Variants in DSP observed in about 807,000 individuals in gnomAD.
DSP encodes the protein desmoplakin.
In DSP, 114 loss-of-function variants were observed where a neutral mutation model predicts 290.6. The observed-to-expected ratio is 0.39, with a 90% CI of 0.34 to 0.46. The LOEUF is 0.46. Ranked by LOEUF, DSP falls within the 20% of genes least tolerant of loss-of-function variation. DSP has a pLI of 0.99. For synonymous variants in DSP, 1,311 were observed against 1,316.4 expected (o/e 1.00, Z 0.09); for missense variants, 3,230 against 3,495.8 (o/e 0.92, Z 1.92).
Position 7,575,370 on chromosome 6 carries a change from A to G in DSP, c.2512A>G (p.Ile838Val). The G allele has an allele frequency of 6.2e-7, 1 of 1,614,134 alleles. No homozygotes were observed. Among genetic ancestry groups the G allele is most frequent in the Non-Finnish European group, 8.5e-7 (1 of 1,180,028 alleles). ...GACAGAACTACAGAAAGCCCAGCAG[A>G]TCCACTCTCAGACTTCACAGCAGTA... ...MKTELQKAQQ[I>V]HSQTSQQYPL... is the part of the protein sequence containing the mutation. The change falls in exon 18 of 24, where the codon ATC becomes GTC. Residue 838 changes from isoleucine (I) to valine (V), a missense_variant. Physicochemically the swap from Ile to Val is conservative, Grantham distance 29 (BLOSUM62 3). Around this residue, in one of 5 missense-constraint regions of DSP, gnomAD observed 1,714 missense variants for 1,844.5 expected, o/e 0.93. Coordinates refer to ENST00000379802, the MANE Select transcript of DSP (RefSeq NM_004415.4).
At chr6:7,553,967 T>C (rs1758415615) in intron 1 of DSP, among the ~76,000 whole-genome samples, 1 of 152,250 alleles carries the variant, frequency 6.6e-6, no homozygotes, top group Non-Finnish European at 1.5e-5. Flanking sequence ...GGTGAGACAG[T>C]GCAGCCAGGT....
Position 7,565,148 on chromosome 6 carries a change from CA to C in DSP, c.778-199del, listed in dbSNP as rs879917523. The stretch of plus-strand genomic sequence containing the variant: ...GGGAGACGAGAGCGACAGTCCGTCT[CA>C]AAAAAAAAAAAGTTGCTGCCTTCTT... On this transcript the variant is annotated intron_variant, in intron 6 of 23. Transcript: ENST00000379802. This position sits in a 1 kb window ranked among gnomAD's most constrained non-coding sequence, Gnocchi z 4.2. 3.1e-4 allele frequency among the ~76,000 whole-genome samples: 44 copies of C among 143,410 alleles called. No homozygotes were observed. Among genetic ancestry groups the C allele is most frequent in the Admixed American group, 4.2e-4 (6 of 14,396 alleles). 94.1% of individuals were successfully genotyped at this position (143,410 alleles called of 152,430 possible). A position where few individuals can be genotyped will look rare whatever the true frequency, so the allele number is the denominator to read the frequency against.
chr6:7,576,140 A>G (rs1759233260), intron 18 of DSP, among the ~76,000 whole-genome samples, 154 bp from the exon 19 acceptor site: 1 of 152,208 alleles, frequency 6.6e-6, no homozygotes, highest in South Asian at 2.1e-4. Context: ...TGGCTGTGAT[A>G]AAAAGTGCTG....
rs1449447405 is a variant in DSP, at chr6:7,569,327, G to C, written c.1561G>C (p.Asp521His). The C allele has an allele frequency of 5.6e-6, 9 of 1,614,028 alleles. No homozygotes were observed. The highest frequency in any genetic ancestry group is 1.3e-5 in the African/African-American group (1 of 74,896). The change falls in exon 12 of 24, where the codon GAC becomes CAC. Residue 521 changes from aspartate to histidine, a missense_variant. This residue lies in a region of DSP where 646 missense variants were observed against 684.3 expected (regional missense o/e 0.94). Transcript: ENST00000379802. ...IIPPPNPLAV[D>H]LSCKIEQYYE... is the part of the protein sequence containing the mutation. Reference sequence around the variant, plus strand: ...CCCTCCTCCGAACCCACTGGCCGTGGACCTCTCTTGCAAGTAAGTCATCCA... The same window carrying C: ...CCCTCCTCCGAACCCACTGGCCGTGCACCTCTCTTGCAAGTAAGTCATCCA...
chr6:7,583,838 C>T lies in DSP; in HGVS notation c.6576C>T (p.Ile2192=), dbSNP rs1032400756. ...TGCAGCTGAAGGAACGGTGCAGAAT[C>T]GAACCACATACTGGTCTGCTCTTGC... ...SYVQLKERCR[I]EPHTGLLLLS... is the part of the protein sequence containing the mutation. The change falls in exon 24 of 24, where the codon ATC becomes ATT. Residue 2192 remains isoleucine, a synonymous_variant. Transcript: ENST00000379802. This position sits in a 1 kb window ranked among gnomAD's most constrained non-coding sequence, Gnocchi z 4.0. 6 of 1,614,082 alleles carry T rather than the reference C, an allele frequency of 3.7e-6. No homozygotes were observed. In the South Asian group the frequency reaches 4.4e-5, roughly 12 times the overall value.
At position 7,567,444 on chromosome 6, in the gene DSP, T is replaced by A. The variant is rs757853478; in HGVS notation, c.1135T>A (p.Phe379Ile). The change falls in exon 9 of 24, where the codon TTT (phenylalanine) becomes ATT (isoleucine). Residue 379 changes from phenylalanine (F) to isoleucine (I), a missense_variant. Coordinates refer to ENST00000379802, the MANE Select transcript of DSP (RefSeq NM_004415.4). ...TCATCTGAAAGAAAATGCTGCCTAC[T>A]TTCAGGTTTTTATATTTAGTGATAA... ...DVHLKENAAY[F>I]QFFEEAQSTE... 1.2e-6 allele frequency: 2 copies of A among 1,613,456 alleles called. No individual in the cohort carries two copies. The highest frequency in any genetic ancestry group is 1.7e-4 in the Middle Eastern group (1 of 6,060).
rs1456378645 is a variant in DSP at position 7,583,095 on chromosome 6, C to T, written c.5833C>T (p.Arg1945Cys). Residue 1945 changes from arginine (R) to cysteine (C), a missense_variant, in exon 24 of 24, where the codon CGC (arginine) becomes TGC (cysteine). Coordinates refer to ENST00000379802, the MANE Select transcript of DSP (RefSeq NM_004415.4). This position sits in a 1 kb window ranked among gnomAD's most constrained non-coding sequence, Gnocchi z 4.0. ...YQREIDKLRQ[R>C]PYGSHRETQT... ...GAGGGAGATTGATAAACTCAGACAG[C>T]GCCCATATGGGTCCCATCGAGAGAC... 10 of 1,613,912 alleles carry T rather than the reference C, an allele frequency of 6.2e-6. No homozygotes were observed. Among genetic ancestry groups the T allele is most frequent in the African/African-American group, 5.3e-5 (4 of 74,870 alleles).
At position 7,583,763 on chromosome 6, in the gene DSP, TAGTC is replaced by T. The variant is rs1561702640; in HGVS notation, c.6504_6507del (p.Ser2168ArgfsTer18). On this transcript the variant is annotated frameshift_variant, in exon 24 of 24. Transcript: ENST00000379802. LOFTEE classifies it high-confidence loss of function. This position sits in a 1 kb window ranked among gnomAD's most constrained non-coding sequence, Gnocchi z 4.0. ...ATCGATCCCTGAATGATCCCCGAGATAGTCAGAAAAACTTTGTGGATCCAGTCAC... is the reference window on the plus strand; with the variant it reads ...ATCGATCCCTGAATGATCCCCGAGATAGAAAAACTTTGTGGATCCAGTCAC... 1.9e-6 allele frequency: 3 copies of T among 1,613,880 alleles called. No homozygotes were observed. The highest frequency in any genetic ancestry group is 1.7e-6 in the Non-Finnish European group (2 of 1,180,008).
Position 7,577,006 on chromosome 6 carries a change from A to G in DSP, c.2841A>G (p.Val947=), listed in dbSNP as rs1489060030. 4 of 1,612,832 alleles carry G rather than the reference A, an allele frequency of 2.5e-6. No individual in the cohort carries two copies. The Admixed American group carries it at 6.7e-5, about 27-fold the overall frequency. ...GCAAACGAGACAAATCAGAGGAAGTACAAAAAATTGCTGAACTTTGCGCCA... is the reference window on the plus strand; with the variant it reads ...GCAAACGAGACAAATCAGAGGAAGTGCAAAAAATTGCTGAACTTTGCGCCA... ...ISGKRDKSEE[V]QKIAELCANS... Residue 947 remains valine, a synonymous_variant, in exon 20 of 24, where the codon GTA becomes GTG. Transcript: ENST00000379802.
chr6:7,559,080 G>C, intron 3 of DSP, 146 bp from the exon 4 acceptor site: 1 of 865,104 alleles, frequency 1.2e-6, no homozygotes, highest in Admixed American at 2.4e-5. Context: ...TTAAGTCCTG[G>C]GGTAAAGAAA....
In DSP at chr6:7,579,594, A is replaced by C. The variant is rs754250788; in HGVS notation, c.3404A>C (p.Gln1135Pro). 3 of 1,614,020 alleles carry C rather than the reference A, an allele frequency of 1.9e-6. No individual in the cohort carries two copies. Among genetic ancestry groups the C allele is most frequent in the Non-Finnish European group, 2.5e-6 (3 of 1,180,020 alleles). Residue 1135 changes from glutamine (Q) to proline (P), a missense_variant, in exon 23 of 24, where the codon CAG (glutamine) becomes CCG (proline). Gln to Pro is a moderately conservative substitution (Grantham distance 76). Coordinates refer to ENST00000379802, the MANE Select transcript of DSP (RefSeq NM_004415.4). The surrounding 1 kb of genome is among the most constrained non-coding windows in gnomAD (Gnocchi z 4.1). Reference sequence around the variant, plus strand: ...TCTGTGGAAGACAGATTTGACCAACAGAAGAATGACTATGACCAACTGCAG... The same window carrying C: ...TCTGTGGAAGACAGATTTGACCAACCGAAGAATGACTATGACCAACTGCAG... ...RKSVEDRFDQ[Q>P]KNDYDQLQKA... is the part of the protein sequence containing the mutation.
intron 4 of DSP, among the ~76,000 whole-genome samples, chr6:7,561,143 G>A (rs564740877): frequency 1.1e-4 from 16 of 152,136 alleles, no homozygotes; most frequent in Admixed American, 2.0e-4. Flanking sequence ...AGTAGAGACG[G>A]GGGTTTTGCC....
At chr6:7,568,003 A>G in intron 10 of DSP, 97 bp downstream of exon 10, 1 of 1,544,160 alleles carries the variant, frequency 6.5e-7, no homozygotes, top group Admixed American at 1.8e-5. Flanking sequence ...ATTATTGTAC[A>G]ATGCACGCCC....
intron 1 of DSP, among the ~76,000 whole-genome samples, chr6:7,543,017 A>C (rs1040326395): frequency 6.6e-6 from 1 of 152,006 alleles, no homozygotes; most frequent in Non-Finnish European, 1.5e-5. Flanking sequence ...TGAGAGGGTC[A>C]GCTTCTCCGG....
chr6:7,562,356 G>T (rs975411978), intron 4 of DSP, among the ~76,000 whole-genome samples: 1 of 149,844 alleles, frequency 6.7e-6, no homozygotes, highest in Non-Finnish European at 1.5e-5. Flanking sequence ...TTGCTTGCCT[G>T]TGCACAGGTA....
intron 1 of DSP, among the ~76,000 whole-genome samples, chr6:7,546,120 A>T (rs967763980): frequency 6.6e-6 from 1 of 152,166 alleles, no homozygotes; most frequent in Non-Finnish European, 1.5e-5. Flanking sequence ...TAAGGAAGCC[A>T]TTGCACCAGT....
rs1759503479 is a variant in DSP, at chr6:7,583,171, G to A, written c.5909G>A (p.Gly1970Glu). 1.2e-6 allele frequency: 2 copies of A among 1,614,076 alleles called. No individual in the cohort carries two copies. Among genetic ancestry groups the A allele is most frequent in the Non-Finnish European group, 1.7e-6 (2 of 1,180,014 alleles). ...GACACCTCCAAGCTGGTGTTTGATG[G>A]GCTGAGGAAGAAGGTGACAGCAATG... ...TVDTSKLVFD[G>E]LRKKVTAMQL... Residue 1970 changes from glycine to glutamate, a missense_variant, in exon 24 of 24, where the codon GGG (glycine) becomes GAG (glutamate). Around this residue, in one of 5 missense-constraint regions of DSP, gnomAD observed 1,714 missense variants for 1,844.5 expected, o/e 0.93. Coordinates refer to ENST00000379802, the MANE Select transcript of DSP (RefSeq NM_004415.4). The surrounding 1 kb of genome is among the most constrained non-coding windows in gnomAD (Gnocchi z 4.0).
At chr6:7,568,219 G>A (rs1758921779) in intron 10 of DSP, among the ~76,000 whole-genome samples, 1 of 152,174 alleles carries the variant, frequency 6.6e-6, no homozygotes, top group Non-Finnish European at 1.5e-5. Flanking sequence ...ACACAAGGAT[G>A]TTCTTCCCTG....
chr6:7,578,406 C>T lies in DSP; in HGVS notation c.2986-58C>T, dbSNP rs1024511403. ...TTAGAAAACAAAATCGGTCAAATTA[C>T]ATAGGACTTTTTTTTTAATGCAATA... On this transcript the variant is annotated intron_variant, in intron 21 of 23. Coordinates refer to ENST00000379802, the MANE Select transcript of DSP (RefSeq NM_004415.4). 16 of 1,446,382 alleles carry T rather than the reference C, an allele frequency of 1.1e-5. No homozygotes were observed. The African/African-American group carries it at 2.0e-4, about 18-fold the overall frequency. 89.6% of individuals were successfully genotyped at this position (1,446,382 alleles called of 1,614,324 possible).
Sources: allele counts gnomAD v4.1 joint callset (sites outside exome capture counted in the v4.1 genomes callset), GRCh38; gene constraint gnomAD v4.1.1; regional missense constraint gnomAD v4.1.1; non-coding constraint Gnocchi (gnomAD v3.1); transcripts MANE v1.5; gene names NCBI Gene and HGNC (gene_info 2026-07-23, HGNC 2026-07-21).